PAPSS1: variants seen among roughly 807,000 people sequenced by gnomAD.
PAPSS1 encodes bifunctional 3'-phosphoadenosine 5'-phosphosulfate synthase 1.
PAPSS1 carries 50 observed loss-of-function variants against 72.0 expected under a neutral mutation model. The ratio of observed to expected loss-of-function variants is 0.69; its 90% CI spans 0.55 to 0.88. PAPSS1 has a LOEUF of 0.88. Ranked by LOEUF, PAPSS1 falls within the 40% of genes least tolerant of loss-of-function variation. The probability of loss-of-function intolerance (pLI) is 0.00; values close to 1 mark genes in which losing one functional copy is unlikely to be tolerated. For missense variants in PAPSS1, 657 were observed against 782.2 expected, an observed-to-expected ratio of 0.84 and a Z score of 1.91; for synonymous variants, 261 against 263.6, an observed-to-expected ratio of 0.99 and a Z score of 0.09.
At chr4:107,643,461 C>T (rs191927118) in intron 10 of PAPSS1, among the ~76,000 whole-genome samples, 1 of 152,322 alleles carries the variant, frequency 6.6e-6, no homozygotes, top group East Asian at 1.9e-4. Context: ...TCCACTGAGA[C>T]TGAACTGTAG....
At chr4:107,676,760 C>T (rs1727663047) in intron 5 of PAPSS1, among the ~76,000 whole-genome samples, 1 of 152,174 alleles carries the variant, frequency 6.6e-6, no homozygotes, top group Non-Finnish European at 1.5e-5. Flanking sequence ...AAGCTGGAGG[C>T]ATCACACTAC....
chr4:107,714,838 A>G (rs1723593977), intron 1 of PAPSS1, among the ~76,000 whole-genome samples: 1 of 152,052 alleles, frequency 6.6e-6, no homozygotes, highest in Non-Finnish European at 1.5e-5. Flanking sequence ...CAGGCTGGGA[A>G]GCATATTGAC....
chr4:107,641,056 T>G (rs1726526624), intron 10 of PAPSS1, among the ~76,000 whole-genome samples: 2 of 152,210 alleles, frequency 1.3e-5, no homozygotes, highest in South Asian at 4.1e-4. Flanking sequence ...GTCCCAGTTC[T>G]GTGTCTCTCC....
chr4:107,649,226 C>T (rs562940770), intron 9 of PAPSS1, among the ~76,000 whole-genome samples: 5 of 152,330 alleles, frequency 3.3e-5, no homozygotes, highest in Non-Finnish European at 5.9e-5. Context: ...AGAGGATGGA[C>T]GGAGAAAAGT....
chr4:107,708,627 G>GA (rs1166837337), intron 1 of PAPSS1, among the ~76,000 whole-genome samples: 2 of 152,186 alleles, frequency 1.3e-5, no homozygotes, highest in African/African-American at 4.8e-5. Flanking sequence ...ATATGGCTGA[G>GA]AAAAAATACA....
At chr4:107,652,839 T>C (rs1726884441) in intron 9 of PAPSS1, among the ~76,000 whole-genome samples, 1 of 152,168 alleles carries the variant, frequency 6.6e-6, no homozygotes, top group Non-Finnish European at 1.5e-5. Context: ...ATGAATTGTT[T>C]TGAGAAGTAT....
chr4:107,624,753 A>C (rs1323159971), intron 11 of PAPSS1, among the ~76,000 whole-genome samples: 1 of 152,206 alleles, frequency 6.6e-6, no homozygotes, highest in Non-Finnish European at 1.5e-5. Context: ...CAAAATTAAC[A>C]AATACAGGAT....
At chr4:107,650,247 G>A (rs531621369) in intron 9 of PAPSS1, among the ~76,000 whole-genome samples, 2 of 152,186 alleles carry the variant, frequency 1.3e-5, no homozygotes, top group African/African-American at 4.8e-5. Context: ...TAAACTCCTC[G>A]GTCTGTTGCT....
chr4:107,717,058 T>A (rs974225608), intron 1 of PAPSS1, among the ~76,000 whole-genome samples: 2 of 150,796 alleles, frequency 1.3e-5, no homozygotes, highest in Non-Finnish European at 2.9e-5. Flanking sequence ...GTGGATAGTA[T>A]GAAGTGAAAT....
chr4:107,657,456 G>A (rs903576064), intron 6 of PAPSS1, among the ~76,000 whole-genome samples: 2 of 152,110 alleles, frequency 1.3e-5, no homozygotes, highest in African/African-American at 2.4e-5. Context: ...GGTGGCTCAC[G>A]CCTGAAATTC....
At chr4:107,649,676 T>C (rs1340167863) in intron 9 of PAPSS1, among the ~76,000 whole-genome samples, 1 of 152,190 alleles carries the variant, frequency 6.6e-6, no homozygotes, top group Non-Finnish European at 1.5e-5. Flanking sequence ...ATCCTCAACT[T>C]TACTTAAAAC....
At chr4:107,669,984 T>C (rs1274225868) in intron 5 of PAPSS1, among the ~76,000 whole-genome samples, 1 of 152,206 alleles carries the variant, frequency 6.6e-6, no homozygotes, top group Non-Finnish European at 1.5e-5. Flanking sequence ...TTCTCTGAAA[T>C]ACTTCAAAGG....
chr4:107,683,965 G>GACACAT (rs1553921238), intron 4 of PAPSS1, among the ~76,000 whole-genome samples: 16 of 80,658 alleles, frequency 2.0e-4, no homozygotes, highest in Admixed American at 7.8e-4. Flanking sequence ...TATGCATACA[G>GACACAT]ACACACACAC....
Position 107,687,120 on chromosome 4 carries a change from A to G in PAPSS1, c.469T>C (p.Phe157Leu). The G allele has an allele frequency of 1.9e-6, 3 of 1,602,968 alleles. No individual in the cohort carries two copies. The highest frequency in any genetic ancestry group is 2.5e-6 in the Non-Finnish European group (3 of 1,176,504). The change falls in exon 4 of 12, where the codon TTT becomes CTT. Residue 157 changes from phenylalanine (F) to leucine (L), a missense_variant. Coordinates refer to ENST00000265174, the MANE Select transcript of PAPSS1 (RefSeq NM_005443.5). ...CAAACATGCAGAGGAGCATCAACAA[A>G]TACTTCAAAAAACGGTAAACTTGCA... ...EGASLPFFEV[F>L]VDAPLHVCEQ...
intron 11 of PAPSS1, among the ~76,000 whole-genome samples, chr4:107,617,085 G>A (rs773405156): frequency 9.9e-5 from 15 of 152,032 alleles, no homozygotes; most frequent in Admixed American, 5.2e-4. Context: ...GAACATGAAA[G>A]AAGTGTTATG....
chr4:107,648,053 C>G (rs1216051097), intron 9 of PAPSS1, among the ~76,000 whole-genome samples: 1 of 152,170 alleles, frequency 6.6e-6, no homozygotes, highest in Non-Finnish European at 1.5e-5. Context: ...AAAGCCTATT[C>G]CTTCTCCTGT....
chr4:107,690,269 T>A (rs1272979312), intron 3 of PAPSS1, among the ~76,000 whole-genome samples: 1 of 152,070 alleles, frequency 6.6e-6, no homozygotes, highest in Non-Finnish European at 1.5e-5. Context: ...CAGCTCCATC[T>A]CCCCTCACAA....
intron 2 of PAPSS1, among the ~76,000 whole-genome samples, chr4:107,698,976 A>G (rs1723140997): frequency 1.3e-5 from 2 of 152,094 alleles, no homozygotes; most frequent in Admixed American, 1.3e-4. Flanking sequence ...AATTCTAGCC[A>G]TCCCGTCCCA....
intron 6 of PAPSS1, among the ~76,000 whole-genome samples, chr4:107,657,258 T>G (rs543790401): frequency 6.6e-6 from 1 of 152,328 alleles, no homozygotes; most frequent in South Asian, 2.1e-4. Context: ...GTTCTCAAAC[T>G]TTACCTCAAA....
Sources: allele counts gnomAD v4.1 joint callset (sites outside exome capture counted in the v4.1 genomes callset), GRCh38; gene constraint gnomAD v4.1.1; transcripts MANE v1.5; gene names NCBI Gene and HGNC (gene_info 2026-07-23, HGNC 2026-07-21).